NTN1: variants seen among roughly 807,000 people sequenced by gnomAD.
The protein encoded by NTN1 is netrin 1, also known as netrin-1.
In NTN1, 11 loss-of-function variants were observed where a neutral mutation model predicts 54.2. The ratio of observed to expected loss-of-function variants is 0.20; its 90% CI spans 0.13 to 0.34. NTN1 has a LOEUF of 0.34. NTN1 is among the 10% of genes least tolerant of loss of function. The pLI, the probability that NTN1 is intolerant of heterozygous loss-of-function variation, is 1.00. For synonymous variants in NTN1, 371 were observed against 382.0 expected, an observed-to-expected ratio of 0.97 and a Z score of 0.33; for missense variants, 740 against 893.1, an observed-to-expected ratio of 0.83 and a Z score of 2.18.
At chr17:9,038,230 TCTC>T (rs2091909373) in intron 2 of NTN1, among the ~76,000 whole-genome samples, 1 of 84,966 alleles carries the variant, frequency 1.2e-5, no homozygotes, top group Non-Finnish European at 2.4e-5. Flanking sequence ...TGTGTCTCTC[TCTC>T]TTTCTCTGTC....
At chr17:9,169,457 G>A (rs964495132) in intron 3 of NTN1, among the ~76,000 whole-genome samples, 3 of 152,208 alleles carry the variant, frequency 2.0e-5, no homozygotes, top group African/African-American at 7.2e-5. Context: ...GGTCTCCCTG[G>A]CCCAGCTGTG....
At chr17:9,012,402 T>C in the NTN1 span, among the ~76,000 whole-genome samples, 1 of 152,016 alleles carries the variant, frequency 6.6e-6, no homozygotes, top group Non-Finnish European at 1.5e-5. Flanking sequence ...TCCCAGCTAC[T>C]TGGGAGGCTG....
chr17:9,213,333 C>T (rs1232858851), intron 5 of NTN1, among the ~76,000 whole-genome samples: 4 of 152,206 alleles, frequency 2.6e-5, no homozygotes, highest in Non-Finnish European at 5.9e-5. Context: ...AGCCCTGGTG[C>T]AGGACCTCCT....
chr17:9,098,096 A>G (rs1422723079), intron 2 of NTN1, among the ~76,000 whole-genome samples: 2 of 152,154 alleles, frequency 1.3e-5, no homozygotes, highest in African/African-American at 4.8e-5. Flanking sequence ...CGTTATCATG[A>G]CTGTAGAGTG....
rs1446031761 is a variant in NTN1 at position 9,023,234 on chromosome 17, C to T, written c.861C>T (p.Cys287=). The change falls in exon 2 of 7, where the codon TGC becomes TGT. Residue 287 remains cysteine, a synonymous_variant. Transcript: ENST00000173229. ...SDLQVGGRCK[C]NGHAARCVRD... is the part of the protein sequence containing the mutation. ...TGCAGGTGGGCGGCCGGTGCAAGTGCAACGGCCACGCGGCCCGCTGCGTGC... is the reference window on the plus strand; with the variant it reads ...TGCAGGTGGGCGGCCGGTGCAAGTGTAACGGCCACGCGGCCCGCTGCGTGC... 2.6e-6 allele frequency: 4 copies of T among 1,568,486 alleles called. No homozygotes were observed. The highest frequency in any genetic ancestry group is 3.5e-6 in the Non-Finnish European group (4 of 1,156,900).
intron 2 of NTN1, among the ~76,000 whole-genome samples, chr17:9,159,359 A>G (rs942603089): frequency 6.6e-6 from 1 of 152,214 alleles, no homozygotes; most frequent in Non-Finnish European, 1.5e-5. Flanking sequence ...CAGAGTGGCC[A>G]ATATTTTTTA....
intron 5 of NTN1, among the ~76,000 whole-genome samples, chr17:9,198,149 A>T (rs568247192): frequency 1.3e-5 from 2 of 152,296 alleles, no homozygotes; most frequent in South Asian, 4.1e-4. Context: ...TTCAGGAGAA[A>T]CCAGTAAGGG....
At chr17:9,222,757 C>T (rs1201204081) in intron 6 of NTN1, among the ~76,000 whole-genome samples, 1 of 152,184 alleles carries the variant, frequency 6.6e-6, no homozygotes, top group Admixed American at 6.5e-5. Context: ...ACTGGGCCAG[C>T]TGCTTGAACA....
intron 2 of NTN1, among the ~76,000 whole-genome samples, chr17:9,089,816 T>C (rs10468483): frequency 0.091 from 13,829 of 152,238 alleles, 711 homozygotes; most frequent in Non-Finnish European, 0.11. Context: ...TTCATCTCTC[T>C]TTTACAACCT....
intron 2 of NTN1, among the ~76,000 whole-genome samples, chr17:9,156,616 A>G (rs9915816): frequency 0.57 from 86,401 of 151,912 alleles, 24,756 homozygotes; most frequent in African/African-American, 0.61. Context: ...TTCATCAAAA[A>G]CAATGGATGC....
At chr17:9,225,468 G>A (rs959795213) in intron 6 of NTN1, among the ~76,000 whole-genome samples, 4 of 152,120 alleles carry the variant, frequency 2.6e-5, no homozygotes, top group Admixed American at 2.6e-4. Flanking sequence ...CTGGCGGGGG[G>A]CCCTGAGGAC....
chr17:9,030,260 G>C (rs115220457), intron 2 of NTN1, among the ~76,000 whole-genome samples: 1 of 152,166 alleles, frequency 6.6e-6, no homozygotes, highest in African/African-American at 2.4e-5. Flanking sequence ...GATACTCTCC[G>C]AGGAGAAAGG....
chr17:9,180,068 T>C, intron 4 of NTN1, 112 bp downstream of exon 4: 6 of 1,224,524 alleles, frequency 4.9e-6, no homozygotes, highest in Non-Finnish European at 6.7e-6. Flanking sequence ...TGGTTGAGTC[T>C]CACTGTGTCG....
intron 2 of NTN1, among the ~76,000 whole-genome samples, chr17:9,109,728 T>G (rs1314782795): frequency 6.6e-6 from 1 of 152,212 alleles, no homozygotes; most frequent in Non-Finnish European, 1.5e-5. Flanking sequence ...TCCCACCAGC[T>G]CTATGTGGAA....
the NTN1 span, among the ~76,000 whole-genome samples, chr17:9,016,464 CTT>C: frequency 6.6e-6 from 1 of 152,202 alleles, no homozygotes; most frequent in African/African-American, 2.4e-5. Context: ...ATAGTCTTCT[CTT>C]TTCTTGAATC....
At chr17:9,156,502 C>T (rs1015762309) in intron 2 of NTN1, among the ~76,000 whole-genome samples, 7 of 152,188 alleles carry the variant, frequency 4.6e-5, no homozygotes, top group African/African-American at 1.7e-4. Context: ...AAACTGCTCA[C>T]CAATGTCTGC....
chr17:9,071,024 C>T (rs771043571), intron 2 of NTN1, among the ~76,000 whole-genome samples: 3 of 152,138 alleles, frequency 2.0e-5, no homozygotes, highest in Non-Finnish European at 2.9e-5. Context: ...GTGTCCGCCA[C>T]GTTGCTTCCA....
At chr17:9,036,785 T>C (rs1379275964) in intron 2 of NTN1, among the ~76,000 whole-genome samples, 1 of 152,160 alleles carries the variant, frequency 6.6e-6, no homozygotes, top group Non-Finnish European at 1.5e-5. Flanking sequence ...CCCCATTCCC[T>C]GCTCAACCAG....
At chr17:9,038,778 T>C (rs368628125) in intron 2 of NTN1, among the ~76,000 whole-genome samples, 1 of 152,318 alleles carries the variant, frequency 6.6e-6, no homozygotes, top group African/African-American at 2.4e-5. Flanking sequence ...TTATTTCTTA[T>C]GAGATCTGCT....
Sources: gnomAD v4.1 joint callset for allele counts (sites outside exome capture counted in the v4.1 genomes callset) on GRCh38, gnomAD v4.1.1 for gene constraint, MANE v1.5 for transcripts, NCBI Gene and HGNC (gene_info 2026-07-23, HGNC 2026-07-21) for gene names.